KIF6: variants seen among roughly 807,000 people sequenced by gnomAD.
KIF6 encodes the protein kinesin-like protein KIF6.
Under a neutral mutation model 112.7 loss-of-function variants are expected in KIF6, and 106 were observed. That is an observed-to-expected ratio of 0.94 (90% CI 0.80 to 1.11). The LOEUF is 1.11. KIF6 is among the 50% of genes least tolerant of loss of function. The pLI, the probability that KIF6 is intolerant of heterozygous loss-of-function variation, is 0.00. For missense variants in KIF6, 929 were observed against 964.0 expected, an observed-to-expected ratio of 0.96 and a Z score of 0.48; for synonymous variants, 339 against 339.9, an observed-to-expected ratio of 1.00 and a Z score of 0.03.
At chr6:39,454,762 C>G (rs1358802834) in intron 13 of KIF6, among the ~76,000 whole-genome samples, 1 of 151,998 alleles carries the variant, frequency 6.6e-6, no homozygotes, top group African/African-American at 2.4e-5. Context: ...GGATGACGGA[C>G]GCACCTGGAA....
At chr6:39,523,659 T>C (rs1450481844) in intron 13 of KIF6, among the ~76,000 whole-genome samples, 3 of 80,980 alleles carry the variant, frequency 3.7e-5, no homozygotes, top group African/African-American at 1.2e-4. Context: ...TATATATATA[T>C]ATATATATAT....
rs546985868 is a variant in KIF6 at position 39,464,007 on chromosome 6, A to G, written c.1646-32846T>C. Among the ~76,000 whole-genome samples the G allele has an allele frequency of 1.6e-4, 24 of 152,198 alleles. No individual in the cohort carries two copies. The South Asian group carries it at 3.9e-3, about 25-fold the overall frequency. Reference sequence around the variant, plus strand: ...CCTTGTTTAGTAGGTGTACATATTTATTACTTTGAGAGTTTGTGGCTGATC... The same window carrying G: ...CCTTGTTTAGTAGGTGTACATATTTGTTACTTTGAGAGTTTGTGGCTGATC... On this transcript the variant is annotated intron_variant, in intron 13 of 22. Coordinates refer to ENST00000287152, the MANE Select transcript of KIF6 (RefSeq NM_145027.6).
intron 10 of KIF6, among the ~76,000 whole-genome samples, chr6:39,556,500 T>C (rs1211297767): frequency 1.3e-5 from 2 of 151,886 alleles, no homozygotes; most frequent in Non-Finnish European, 2.9e-5. Context: ...AAGAGTGTAG[T>C]AGAGAGATAG....
chr6:39,340,220 A>G (rs758548252), intron 22 of KIF6, among the ~76,000 whole-genome samples: 1 of 152,244 alleles, frequency 6.6e-6, no homozygotes. Context: ...GCCAGAATGA[A>G]TATTCTTCCT....
intron 10 of KIF6, among the ~76,000 whole-genome samples, chr6:39,550,384 G>A (rs912906287): frequency 3.3e-5 from 5 of 152,140 alleles, no homozygotes; most frequent in African/African-American, 9.7e-5. Context: ...GACAGCAATG[G>A]GAGGTGTGCC....
At chr6:39,461,959 C>T (rs1773506024) in intron 13 of KIF6, among the ~76,000 whole-genome samples, 2 of 151,436 alleles carry the variant, frequency 1.3e-5, no homozygotes, top group South Asian at 2.1e-4. Flanking sequence ...TTTATTGCTT[C>T]CATTTTATGC....
rs1396083056 is a variant in KIF6 at position 39,536,568 on chromosome 6, A to T, written c.1645+3435T>A. 5.9e-5 allele frequency among the ~76,000 whole-genome samples: 9 copies of T among 152,280 alleles called. No homozygotes were observed. The East Asian group carries it at 1.7e-3, about 29-fold the overall frequency. On this transcript the variant is annotated intron_variant, in intron 13 of 22. Transcript: ENST00000287152. The stretch of plus-strand genomic sequence containing the variant: ...TAACAGGAGCTGAAATTGTGGCAAT[A>T]ATCAATAGCTTACCAACGAAAAAGA...
At chr6:39,338,521 G>A (rs1294770302) in intron 22 of KIF6, among the ~76,000 whole-genome samples, 4 of 152,204 alleles carry the variant, frequency 2.6e-5, no homozygotes, top group African/African-American at 9.7e-5. Flanking sequence ...AGAACGGGAA[G>A]TAAGAAGACA....
chr6:39,460,536 T>TAAAAAAAAAAAAAAAAAAAAAAA (rs759528125), intron 13 of KIF6, among the ~76,000 whole-genome samples: 324 of 56,880 alleles, frequency 5.7e-3, no homozygotes, highest in East Asian at 0.012. Context: ...AAAAAAAAAG[T>TAAAAAAAAAAAAAAAAAAAAAAA]AAAAAAAAAA....
chr6:39,376,211 A>C (rs1263386542), intron 16 of KIF6, among the ~76,000 whole-genome samples: 1 of 152,208 alleles, frequency 6.6e-6, no homozygotes, highest in African/African-American at 2.4e-5. Context: ...TGCATCCTTT[A>C]TATCCTGCCT....
intron 9 of KIF6, among the ~76,000 whole-genome samples, chr6:39,582,266 A>G (rs1302311471): frequency 6.6e-6 from 1 of 152,294 alleles, no homozygotes; most frequent in East Asian, 1.9e-4. Flanking sequence ...CTCCCATCCA[A>G]TTACTGAAGG....
At chr6:39,598,394 T>C (rs888790150) in intron 6 of KIF6, among the ~76,000 whole-genome samples, 4 of 151,996 alleles carry the variant, frequency 2.6e-5, no homozygotes, top group Non-Finnish European at 4.4e-5. Context: ...ACAAAATAAG[T>C]GTTGTTGGAG....
Position 39,343,342 on chromosome 6 carries a change from A to G in KIF6, c.2428+367T>C, listed in dbSNP as rs1763450095. The G allele has an allele frequency of 7.7e-7, 1 of 1,302,458 alleles. No homozygotes were observed. The highest frequency in any genetic ancestry group is 1.0e-6 in the Non-Finnish European group (1 of 997,422). 80.7% of individuals were successfully genotyped at this position (1,302,458 alleles called of 1,614,324 possible). A position where few individuals can be genotyped will look rare whatever the true frequency, so the allele number is the denominator to read the frequency against. ...GAGACTTTAAGCCAGGGGTTCAACG[A>G]GTTACCAAAACATCACTCAGCCCCT... On this transcript the variant is annotated intron_variant, in intron 22 of 22. Transcript: ENST00000287152. This position sits in a 1 kb window ranked among gnomAD's most constrained non-coding sequence, Gnocchi z 4.1.
chr6:39,530,074 A>T (rs1777955412), intron 13 of KIF6, among the ~76,000 whole-genome samples: 1 of 152,130 alleles, frequency 6.6e-6, no homozygotes, highest in Non-Finnish European at 1.5e-5. Context: ...CCACTGTTTA[A>T]ATGTAAGCTC....
chr6:39,397,279 T>C (rs1768342985), intron 15 of KIF6, among the ~76,000 whole-genome samples: 1 of 152,244 alleles, frequency 6.6e-6, no homozygotes, highest in Non-Finnish European at 1.5e-5. Context: ...TAAATGACTT[T>C]TTAAAAAGCT....
chr6:39,620,766 ATTT>A, intron 5 of KIF6, among the ~76,000 whole-genome samples: 1 of 151,388 alleles, frequency 6.6e-6, no homozygotes, highest in African/African-American at 2.4e-5. Context: ...TTATTTATTT[ATTT>A]ATTTATTTAT....
chr6:39,433,346 G>A (rs556024477), intron 13 of KIF6, among the ~76,000 whole-genome samples: 3 of 152,240 alleles, frequency 2.0e-5, no homozygotes, highest in South Asian at 4.1e-4. Flanking sequence ...GTTTGGGATC[G>A]TTGTGTACGG....
At chr6:39,366,805 A>T (rs754265705) in intron 16 of KIF6, among the ~76,000 whole-genome samples, 2 of 152,144 alleles carry the variant, frequency 1.3e-5, no homozygotes, top group Non-Finnish European at 2.9e-5. Flanking sequence ...CTTGGGAGCC[A>T]TGGTAAGGAC....
chr6:39,572,737 C>T (rs139819750), intron 10 of KIF6, among the ~76,000 whole-genome samples: 8 of 147,096 alleles, frequency 5.4e-5, no homozygotes, highest in Admixed American at 3.5e-4. Context: ...AAATCTTCAC[C>T]GAAGAAGTTC....
Sources: allele counts gnomAD v4.1 joint callset (sites outside exome capture counted in the v4.1 genomes callset), GRCh38; gene constraint gnomAD v4.1.1; non-coding constraint Gnocchi (gnomAD v3.1); transcripts MANE v1.5; gene names NCBI Gene and HGNC (gene_info 2026-07-23, HGNC 2026-07-21).